The following FAT4 variants were observed in gnomAD, a reference collection of about 807,000 sequenced individuals.
The protein encoded by FAT4 is protocadherin Fat 4.
Under a neutral mutation model 303.9 loss-of-function variants are expected in FAT4, and 84 were observed. The ratio of observed to expected loss-of-function variants is 0.28; its 90% CI spans 0.23 to 0.33. The LOEUF is 0.33. FAT4 is among the 10% of genes least tolerant of loss of function. The pLI is 1.00. For synonymous variants in FAT4, 2,307 were observed against 2,298.8 expected, an observed-to-expected ratio of 1.00 and a Z score of -0.10; for missense variants, 6,005 against 6,146.8, an observed-to-expected ratio of 0.98 and a Z score of 0.77.
intron 2 of FAT4, among the ~76,000 whole-genome samples, chr4:125,337,544 A>G (rs1358686436): frequency 6.6e-6 from 1 of 152,064 alleles, no homozygotes; most frequent in Non-Finnish European, 1.5e-5. Flanking sequence ...GAAGGAAAAT[A>G]TAGAATATTT....
At chr4:125,483,066 T>C (rs1727284882) in intron 16 of FAT4, among the ~76,000 whole-genome samples, 1 of 152,008 alleles carries the variant, frequency 6.6e-6, no homozygotes, top group Non-Finnish European at 1.5e-5. Flanking sequence ...CAACAAAGAG[T>C]TATCTGGCCC....
intron 7 of FAT4, among the ~76,000 whole-genome samples, chr4:125,431,274 A>G (rs1725274091): frequency 6.6e-6 from 1 of 152,210 alleles, no homozygotes; most frequent in African/African-American, 2.4e-5. Context: ...TCTTTCTTGA[A>G]ATCTCACTGT....
chr4:125,388,626 C>T (rs963738288), intron 2 of FAT4, among the ~76,000 whole-genome samples: 3 of 152,140 alleles, frequency 2.0e-5, no homozygotes, highest in African/African-American at 7.2e-5. Flanking sequence ...TACTTTTGAG[C>T]ATCCTTAAGA....
intron 2 of FAT4, among the ~76,000 whole-genome samples, chr4:125,334,949 T>TA (rs1731515776): frequency 6.6e-6 from 1 of 152,188 alleles, no homozygotes; most frequent in South Asian, 2.1e-4. Context: ...CTTCACATAA[T>TA]AAAATAGGGA....
intron 5 of FAT4, among the ~76,000 whole-genome samples, chr4:125,412,107 TC>T (rs997156457): frequency 2.0e-5 from 3 of 151,836 alleles, no homozygotes; most frequent in African/African-American, 7.2e-5. Context: ...GTCTCATGGT[TC>T]AGATATTTGT....
In FAT4 at chr4:125,490,354, G is replaced by A. The variant is rs767528848; in HGVS notation, c.13538G>A (p.Ser4513Asn). Residue 4513 changes from serine (S) to asparagine (N), a missense_variant, in exon 18 of 18, where the codon AGC (serine) becomes AAC (asparagine). Transcript: ENST00000394329. ...TGGGCTGTGCCTGCCATCGTGGGCA[G>A]CTGCGCAACCGTCTTGGCCCTCCTG... ...PLWAVPAIVG[S>N]CATVLALLVL... is the part of the protein sequence containing the mutation. The A allele has an allele frequency of 3.7e-6, 6 of 1,614,168 alleles. No individual in the cohort carries two copies. Among genetic ancestry groups the A allele is most frequent in the African/African-American group, 1.3e-5 (1 of 75,046 alleles).
chr4:125,377,986 G>T (rs986165519), intron 2 of FAT4, among the ~76,000 whole-genome samples: 3 of 151,988 alleles, frequency 2.0e-5, no homozygotes, highest in African/African-American at 7.2e-5. Context: ...TTGCACGTAT[G>T]CCCAGGGTTG....
rs773422059 is a variant in FAT4, at chr4:125,476,269, A to T, written c.12299+13A>T. The T allele has an allele frequency of 1.4e-6, 2 of 1,452,124 alleles. No individual in the cohort carries two copies. The highest frequency in any genetic ancestry group is 1.9e-6 in the Non-Finnish European group (2 of 1,069,766). The allele number at this position is 1,452,124 out of a possible 1,614,324, so 90.0% of individuals were successfully genotyped here. A position where few individuals can be genotyped will look rare whatever the true frequency, so the allele number is the denominator to read the frequency against. On this transcript the variant is annotated intron_variant, in intron 13 of 17. Coordinates refer to ENST00000394329, the MANE Select transcript of FAT4 (RefSeq NM_001291303.3). ...TTTCAGATGACTGGTAAGGAATAGGATTAGTTTAATTTTTATTATTACTTA... is the reference window on the plus strand; with the variant it reads ...TTTCAGATGACTGGTAAGGAATAGGTTTAGTTTAATTTTTATTATTACTTA...
intron 2 of FAT4, among the ~76,000 whole-genome samples, chr4:125,361,457 A>G (rs868225802): frequency 1.3e-5 from 2 of 152,170 alleles, no homozygotes; most frequent in African/African-American, 4.8e-5. Flanking sequence ...TGAGAAATAT[A>G]AAGTCATTGT....
chr4:125,390,279 C>T (rs906919683), intron 2 of FAT4, among the ~76,000 whole-genome samples: 12 of 152,060 alleles, frequency 7.9e-5, no homozygotes, highest in Admixed American at 5.9e-4. Context: ...TACACATCAC[C>T]CTGATGCGGT....
chr4:125,449,492 G>A lies in FAT4; in HGVS notation c.8482G>A (p.Asp2828Asn), dbSNP rs12508222. Reference protein sequence around the residue: ...LPFTINPSTGDIVISRPLNRE... With the variant: ...LPFTINPSTGNIVISRPLNRE... ...ATTTACAATTAATCCCAGCACAGGGGATATTGTCATAAGCAGACCTTTAAA... is the reference window on the plus strand; with the variant it reads ...ATTTACAATTAATCCCAGCACAGGGAATATTGTCATAAGCAGACCTTTAAA... The change falls in exon 10 of 18, where the codon GAT becomes AAT. Residue 2828 changes from aspartate (D) to asparagine (N), a missense_variant. Transcript: ENST00000394329. The A allele has an allele frequency of 0.014, 22,697 of 1,613,770 alleles. 1,577 individuals carry two copies. The Admixed American group carries it at 0.16, about 12-fold the overall frequency.
intron 2 of FAT4, among the ~76,000 whole-genome samples, chr4:125,323,443 T>C (rs1028027593): frequency 5.9e-5 from 9 of 152,184 alleles, no homozygotes; most frequent in African/African-American, 1.9e-4. Flanking sequence ...GTAACACCAA[T>C]ATGAAAAGTT....
chr4:125,336,611 A>C (rs1731587038), intron 2 of FAT4, among the ~76,000 whole-genome samples: 1 of 151,980 alleles, frequency 6.6e-6, no homozygotes, highest in Non-Finnish European at 1.5e-5. Flanking sequence ...AAATTTTTAA[A>C]TGTTCAATGT....
chr4:125,314,995 C>T lies in FAT4; in HGVS notation c.-995C>T, dbSNP rs1346351407. Among the ~76,000 whole-genome samples, 1 of 152,054 alleles carries T rather than the reference C, an allele frequency of 6.6e-6. No homozygotes were observed. The highest frequency in any genetic ancestry group is 1.5e-5 in the Non-Finnish European group (1 of 68,022). On this transcript the variant is annotated 5_prime_UTR_variant, in exon 1 of 18. Coordinates refer to ENST00000394329, the MANE Select transcript of FAT4 (RefSeq NM_001291303.3). ...GATCAATGAGTGTCGAGCAAAGTTT[C>T]TGAGTGCTGCTCCAGCTCGCGGTCT...
intron 11 of FAT4, among the ~76,000 whole-genome samples, chr4:125,466,984 A>G (rs1450567296): frequency 2.0e-5 from 3 of 151,846 alleles, no homozygotes; most frequent in African/African-American, 7.3e-5. Flanking sequence ...TCACCGTGTT[A>G]GCCAGGATGG....
In FAT4 at chr4:125,490,286, C is replaced by G. The variant is rs866352132; in HGVS notation, c.13470C>G (p.Val4490=). 6 of 1,614,142 alleles carry G rather than the reference C, an allele frequency of 3.7e-6. No individual in the cohort carries two copies. The highest frequency in any genetic ancestry group is 4.2e-6 in the Non-Finnish European group (5 of 1,180,028). The change falls in exon 18 of 18, where the codon GTC becomes GTG. Residue 4490 remains valine (V), a synonymous_variant. Coordinates refer to ENST00000394329, the MANE Select transcript of FAT4 (RefSeq NM_001291303.3). The stretch of plus-strand genomic sequence containing the variant: ...AAGCTGGAAGTCCTGCGGGGCATGT[C>G]TGTGTTCTGAGTCAGGGCCCTGAAG... The part of the protein sequence containing the change: ...VCKAGSPAGH[V]CVLSQGPEEI...
rs374987420 is a variant in FAT4 at position 125,419,619 on chromosome 4, A to T, written c.7018+2997A>T. On this transcript the variant is annotated intron_variant, in intron 7 of 17. Transcript: ENST00000394329. ...GCATGCAGTGATTTCTAAGAATAAA[A>T]TTTAAATGTCTTACCATTGACTACA... Among the ~76,000 whole-genome samples the T allele has an allele frequency of 3.4e-4, 52 of 152,296 alleles. 1 individual carries two copies. The highest frequency in any genetic ancestry group is 1.2e-3 in the African/African-American group (50 of 41,548).
At chr4:125,423,491 G>A (rs573923362) in intron 7 of FAT4, among the ~76,000 whole-genome samples, 1 of 152,330 alleles carries the variant, frequency 6.6e-6, no homozygotes, top group South Asian at 2.1e-4. Context: ...GTGCACAGAG[G>A]TCAAGAAGTA....
At chr4:125,398,757 C>A (rs776464100) in intron 2 of FAT4, 27 bp from the exon 3 acceptor site, 6 of 1,611,014 alleles carry the variant, frequency 3.7e-6, no homozygotes, top group Non-Finnish European at 5.1e-6. Flanking sequence ...GGGAGTCATT[C>A]ACACATTGTT....
Sources: allele counts gnomAD v4.1 joint callset (sites outside exome capture counted in the v4.1 genomes callset), GRCh38; gene constraint gnomAD v4.1.1; transcripts MANE v1.5; gene names NCBI Gene and HGNC (gene_info 2026-07-23, HGNC 2026-07-21).